TRIO: variants seen among roughly 807,000 people sequenced by gnomAD.
The protein encoded by TRIO is trio Rho guanine nucleotide exchange factor, also known as triple functional domain protein.
A neutral mutation model predicts 351.9 loss-of-function variants in TRIO; 58 were observed. The ratio of observed to expected loss-of-function variants is 0.16; its 90% CI spans 0.13 to 0.21. The LOEUF is 0.21. Ranked by LOEUF, TRIO falls within the 10% of genes least tolerant of loss-of-function variation. TRIO has a pLI of 1.00. For synonymous variants in TRIO, 1,758 were observed against 1,595.7 expected (o/e 1.10, Z -2.42); for missense variants, 3,201 against 4,027.8 (o/e 0.79, Z 5.56).
chr5:14,161,018 C>A (rs1788416829), intron 1 of TRIO, among the ~76,000 whole-genome samples: 1 of 152,148 alleles, frequency 6.6e-6, no homozygotes, highest in Non-Finnish European at 1.5e-5. Flanking sequence ...TCAAGCGATT[C>A]TCCTGCCTTA....
intron 2 of TRIO, among the ~76,000 whole-genome samples, chr5:14,279,777 C>T (rs1247164918): frequency 6.6e-6 from 1 of 152,194 alleles, no homozygotes; most frequent in Non-Finnish European, 1.5e-5. Flanking sequence ...GTGTGTGGTT[C>T]TGTGTGAGAG....
chr5:14,146,558 G>T (rs1581227666), intron 1 of TRIO, among the ~76,000 whole-genome samples: 1 of 152,214 alleles, frequency 6.6e-6, no homozygotes, highest in South Asian at 2.1e-4. Context: ...GACTTTAATA[G>T]AACTTTTAAA....
chr5:14,291,975 C>A (rs144388354), intron 5 of TRIO, among the ~76,000 whole-genome samples: 35 of 152,144 alleles, frequency 2.3e-4, no homozygotes, highest in African/African-American at 8.2e-4. Context: ...ATGCACCAGG[C>A]AGACCAACTG....
intron 1 of TRIO, among the ~76,000 whole-genome samples, chr5:14,162,324 T>A (rs770530009): frequency 6.6e-6 from 1 of 152,182 alleles, no homozygotes; most frequent in Admixed American, 6.5e-5. Flanking sequence ...CATAGAGATA[T>A]TGTGTAGTGT....
At chr5:14,220,828 AC>A (rs2152208239) in intron 1 of TRIO, among the ~76,000 whole-genome samples, 1 of 152,350 alleles carries the variant, frequency 6.6e-6, no homozygotes, top group Admixed American at 6.5e-5. Flanking sequence ...CATCTCCATA[AC>A]AAAAGTGCAG....
chr5:14,273,098 C>A (rs892505143), intron 2 of TRIO, among the ~76,000 whole-genome samples: 2 of 152,148 alleles, frequency 1.3e-5, no homozygotes, highest in African/African-American at 4.8e-5. Flanking sequence ...CCCCCAAGCC[C>A]CCAGCACTGG....
intron 1 of TRIO, among the ~76,000 whole-genome samples, chr5:14,164,254 T>A (rs1788638888): frequency 1.3e-5 from 2 of 152,214 alleles, no homozygotes; most frequent in African/African-American, 2.4e-5. Flanking sequence ...AAAACAGTCT[T>A]ATCAGAAGGG....
intron 1 of TRIO, among the ~76,000 whole-genome samples, chr5:14,249,613 A>T (rs6891552): frequency 0.038 from 5,822 of 152,266 alleles, 381 homozygotes; most frequent in African/African-American, 0.13. Flanking sequence ...GCAGCTATAA[A>T]GGGCAGGCAT....
chr5:14,393,298 C>T lies in TRIO; in HGVS notation c.4219-740C>T, dbSNP rs374041985. Among the ~76,000 whole-genome samples, 17 of 152,150 alleles carry T rather than the reference C, an allele frequency of 1.1e-4. No individual in the cohort carries two copies. In the East Asian group the frequency reaches 2.1e-3, roughly 19 times the overall value. ...TAGAAGAAATACCTAATGTACACAACGGGTTGATGGGTGCAGCAAACCACC... is the reference window on the plus strand; with the variant it reads ...TAGAAGAAATACCTAATGTACACAATGGGTTGATGGGTGCAGCAAACCACC... On this transcript the variant is annotated intron_variant, in intron 27 of 56. Coordinates refer to ENST00000344204, the MANE Select transcript of TRIO (RefSeq NM_007118.4).
At chr5:14,482,473 G>GA (rs1286250364) in intron 45 of TRIO, 109 bp from the exon 46 acceptor site, 20 of 884,330 alleles carry the variant, frequency 2.3e-5, no homozygotes, top group Middle Eastern at 3.1e-4. Context: ...ATTAATAAAA[G>GA]AAAAATACAT....
chr5:14,398,239 C>A (rs1182520295), intron 29 of TRIO, among the ~76,000 whole-genome samples: 1 of 152,178 alleles, frequency 6.6e-6, no homozygotes, highest in East Asian at 1.9e-4. Flanking sequence ...CTGGTGGCTT[C>A]ATAACCAGGT....
At chr5:14,181,482 A>G (rs1174878554) in intron 1 of TRIO, among the ~76,000 whole-genome samples, 2 of 152,210 alleles carry the variant, frequency 1.3e-5, no homozygotes, top group Non-Finnish European at 2.9e-5. Flanking sequence ...TGGCCTGCCC[A>G]ATCTCAGAAT....
intron 33 of TRIO, among the ~76,000 whole-genome samples, chr5:14,418,281 G>A (rs1290963571): frequency 6.6e-6 from 1 of 152,126 alleles, no homozygotes; most frequent in Non-Finnish European, 1.5e-5. Flanking sequence ...TAAGGCCTTT[G>A]TGTGTGAGGG....
At position 14,399,036 on chromosome 5, in the gene TRIO, G is replaced by C. The variant is rs1747846731; in HGVS notation, c.4580G>C (p.Gly1527Ala). 2 of 1,614,120 alleles carry C rather than the reference G, an allele frequency of 1.2e-6. No individual in the cohort carries two copies. The highest frequency in any genetic ancestry group is 1.1e-5 in the South Asian group (1 of 91,084). Residue 1527 changes from glycine (G) to alanine (A), a missense_variant, in exon 30 of 57, where the codon GGG becomes GCG. Gly to Ala is a moderately conservative substitution (Grantham distance 60). Coordinates refer to ENST00000344204, the MANE Select transcript of TRIO (RefSeq NM_007118.4). ...AGTAAAGAAGTGAAAGATTCCAGTG[G>C]GAGAAGCAAGTACCTTTATAAAAGC... ...VFSKEVKDSS[G>A]RSKYLYKSKL...
At chr5:14,210,091 T>C (rs1791790769) in intron 1 of TRIO, among the ~76,000 whole-genome samples, 2 of 152,248 alleles carry the variant, frequency 1.3e-5, no homozygotes, top group African/African-American at 4.8e-5. Context: ...GAGTGCAGGG[T>C]ATGGCGCCCC....
At chr5:14,219,897 A>G (rs1792484129) in intron 1 of TRIO, among the ~76,000 whole-genome samples, 1 of 151,494 alleles carries the variant, frequency 6.6e-6, no homozygotes, top group African/African-American at 2.4e-5. Flanking sequence ...GAAATATCAG[A>G]GTTCATTGCA....
chr5:14,374,062 G>T (rs1554065845), intron 18 of TRIO, among the ~76,000 whole-genome samples, 167 bp from the exon 19 acceptor site: 1 of 152,204 alleles, frequency 6.6e-6, no homozygotes, highest in Non-Finnish European at 1.5e-5. Flanking sequence ...AGGAGAGAGA[G>T]ATTTTTTTTT....
intron 16 of TRIO, among the ~76,000 whole-genome samples, chr5:14,367,321 C>T (rs1744691497): frequency 6.6e-6 from 1 of 152,134 alleles, no homozygotes; most frequent in African/African-American, 2.4e-5. Flanking sequence ...CCGAGGAGCC[C>T]ACGTTGCAGT....
intron 11 of TRIO, among the ~76,000 whole-genome samples, chr5:14,346,709 T>C (rs1224113824): frequency 6.6e-6 from 1 of 152,240 alleles, no homozygotes; most frequent in Non-Finnish European, 1.5e-5. Context: ...GTGGAATTAG[T>C]GGGCAGGCAT....
Sources: allele counts gnomAD v4.1 joint callset (sites outside exome capture counted in the v4.1 genomes callset), GRCh38; gene constraint gnomAD v4.1.1; transcripts MANE v1.5; gene names NCBI Gene and HGNC (gene_info 2026-07-23, HGNC 2026-07-21).